The following ABCA13 variants were observed in gnomAD, a reference collection of about 807,000 sequenced individuals.
The protein encoded by ABCA13 is ATP-binding cassette sub-family A member 13.
Under a neutral mutation model 478.7 loss-of-function variants are expected in ABCA13, and 476 were observed. The ratio of observed to expected loss-of-function variants is 0.99; its 90% confidence interval spans 0.92 to 1.07. The LOEUF is 1.07. Ranked by LOEUF, ABCA13 falls within the 50% of genes least tolerant of loss-of-function variation. ABCA13 has a pLI of 0.00. For synonymous variants in ABCA13, 2,252 were observed against 2,158.9 expected (o/e 1.04, Z -1.20); for missense variants, 6,060 against 5,910.6 (o/e 1.03, Z -0.83).
intron 27 of ABCA13, among the ~76,000 whole-genome samples, chr7:48,330,907 G>A (rs564156178): frequency 2.0e-5 from 3 of 152,160 alleles, no homozygotes; most frequent in Non-Finnish European, 2.9e-5. Context: ...TGCTGTATCC[G>A]TGGGTTTTTC....
chr7:48,607,018 C>A (rs578008280), intron 58 of ABCA13, among the ~76,000 whole-genome samples: 1 of 152,286 alleles, frequency 6.6e-6, no homozygotes, highest in South Asian at 2.1e-4. Context: ...GGTGAAACCG[C>A]GTACTGAAGC....
intron 59 of ABCA13, among the ~76,000 whole-genome samples, chr7:48,627,553 G>C (rs1793779946): frequency 6.6e-6 from 1 of 152,094 alleles, no homozygotes; most frequent in Non-Finnish European, 1.5e-5. Flanking sequence ...CATCTCTGGA[G>C]GTAGTCTTTT....
chr7:48,310,050 C>A lies in ABCA13; in HGVS notation c.9425C>A (p.Ala3142Glu). 2 of 1,613,850 alleles carry A rather than the reference C, an allele frequency of 1.2e-6. No individual in the cohort carries two copies. The highest frequency in any genetic ancestry group is 1.7e-6 in the Non-Finnish European group (2 of 1,179,792). ...AAAGGGGAAAAATCTTGGATCGCAG[C>A]GGAGGAACTCTGTAGCCTGCCAGGG... ...FPKGEKSWIA[A>E]EELCSLPGSK... The change falls in exon 24 of 62, where the codon GCG becomes GAG. Residue 3142 changes from alanine to glutamate, a missense_variant. Ala to Glu is a moderately radical substitution (Grantham distance 107, BLOSUM62 -1). Transcript: ENST00000435803.
At chr7:48,506,245 T>C (rs928222891) in intron 48 of ABCA13, 91 bp from the exon 49 acceptor site, 20 of 1,384,752 alleles carry the variant, frequency 1.4e-5, no homozygotes, top group Non-Finnish European at 2.0e-6. Flanking sequence ...TACATTGTGA[T>C]GGCACAGGGA....
intron 32 of ABCA13, among the ~76,000 whole-genome samples, chr7:48,368,679 G>A (rs1440460029): frequency 2.0e-5 from 2 of 102,302 alleles, no homozygotes; most frequent in Admixed American, 1.0e-4. Context: ...GTGTGTGTGT[G>A]TGTATGTGTA....
rs71006559 is a variant in ABCA13, at chr7:48,232,139, ATTTTTTTTTTT to A, written c.764-1864_764-1854del. Among the ~76,000 whole-genome samples, 104 of 51,314 alleles carry A rather than the reference ATTTTTTTTTTT, an allele frequency of 2.0e-3. 5 individuals carry two copies. The highest frequency in any genetic ancestry group is 7.9e-3 in the Admixed American group (34 of 4,310). The allele number at this position is 51,314 out of a possible 152,430, so 33.7% of individuals were successfully genotyped here. On this transcript the variant is annotated intron_variant, in intron 7 of 61. Coordinates refer to ENST00000435803, the MANE Select transcript of ABCA13 (RefSeq NM_152701.5). Reference sequence around the variant, plus strand: ...CTCAGCACAGTGAGACCCACATGGAATTTTTTTTTTTTTTTTTTTTTTTTTAGCTTTCTGTA... The same window carrying A: ...CTCAGCACAGTGAGACCCACATGGAATTTTTTTTTTTTTTAGCTTTCTGTA...
chr7:48,514,127 A>G (rs1160993282), intron 51 of ABCA13, among the ~76,000 whole-genome samples: 1 of 152,204 alleles, frequency 6.6e-6, no homozygotes, highest in East Asian at 1.9e-4. Context: ...CAGATCAGGT[A>G]TGCAGACTCC....
At chr7:48,566,283 G>T (rs942841033) in intron 55 of ABCA13, among the ~76,000 whole-genome samples, 2 of 152,112 alleles carry the variant, frequency 1.3e-5, no homozygotes, top group African/African-American at 4.8e-5. Context: ...CATGCATCAT[G>T]ATAAAAGCCA....
chr7:48,391,884 A>G, intron 37 of ABCA13, 37 bp from the exon 38 acceptor site: 2 of 1,583,826 alleles, frequency 1.3e-6, no homozygotes, highest in South Asian at 1.1e-5. Flanking sequence ...AGTATCAGCA[A>G]CGCGTATTCT....
chr7:48,355,549 G>T (rs938522756), intron 31 of ABCA13, among the ~76,000 whole-genome samples: 22 of 151,962 alleles, frequency 1.4e-4, no homozygotes, highest in African/African-American at 5.3e-4. Flanking sequence ...TCACGCTGTT[G>T]GGTGGAAAAG....
chr7:48,249,470 A>C (rs1792199171), intron 15 of ABCA13, 119 bp downstream of exon 15: 1 of 1,328,120 alleles, frequency 7.5e-7, no homozygotes. Flanking sequence ...GTGGCTCTCC[A>C]AGCACAATTT....
At chr7:48,539,608 A>T (rs1186051986) in intron 55 of ABCA13, among the ~76,000 whole-genome samples, 1 of 152,188 alleles carries the variant, frequency 6.6e-6, no homozygotes, top group Non-Finnish European at 1.5e-5. Context: ...TTCTGACTTC[A>T]TTCTGATAGA....
intron 55 of ABCA13, among the ~76,000 whole-genome samples, chr7:48,551,708 T>G (rs375413265): frequency 6.6e-6 from 1 of 151,742 alleles, no homozygotes; most frequent in Admixed American, 6.6e-5. Context: ...AATTCCCAGT[T>G]TGGTAAAATT....
chr7:48,524,553 C>T (rs1832764083), intron 54 of ABCA13, 113 bp downstream of exon 54: 2 of 965,416 alleles, frequency 2.1e-6, no homozygotes, highest in Non-Finnish European at 2.9e-6. Context: ...AAATAGCCTT[C>T]AAATTTTAGA....
At chr7:48,398,683 G>T (rs942440790) in intron 38 of ABCA13, among the ~76,000 whole-genome samples, 1 of 152,154 alleles carries the variant, frequency 6.6e-6, no homozygotes, top group Non-Finnish European at 1.5e-5. Context: ...TCAGTGTGAT[G>T]TTGTTATGTA....
chr7:48,577,623 G>C (rs1206607288), intron 55 of ABCA13, among the ~76,000 whole-genome samples: 5 of 152,038 alleles, frequency 3.3e-5, no homozygotes, highest in Non-Finnish European at 5.9e-5. Flanking sequence ...CTAGACTTAG[G>C]TGATCTCACT....
At chr7:48,230,788 C>G (rs1395250092) in intron 7 of ABCA13, among the ~76,000 whole-genome samples, 1 of 152,166 alleles carries the variant, frequency 6.6e-6, no homozygotes, top group Non-Finnish European at 1.5e-5. Context: ...CTCATCCATT[C>G]ATCTGTCCAT....
chr7:48,550,756 C>T (rs528742589), intron 55 of ABCA13, among the ~76,000 whole-genome samples: 3 of 151,266 alleles, frequency 2.0e-5, no homozygotes, highest in African/African-American at 4.8e-5. Flanking sequence ...TCCATCCATC[C>T]GTCCATCCAT....
chr7:48,283,604 G>GT (rs1797339707), intron 19 of ABCA13, among the ~76,000 whole-genome samples: 1 of 152,170 alleles, frequency 6.6e-6, no homozygotes, highest in African/African-American at 2.4e-5. Flanking sequence ...CATGAGGGCT[G>GT]GCACTAGGTT....
Sources: gnomAD v4.1 joint callset for allele counts (sites outside exome capture counted in the v4.1 genomes callset) on GRCh38, gnomAD v4.1.1 for gene constraint, MANE v1.5 for transcripts, NCBI Gene and HGNC (gene_info 2026-07-23, HGNC 2026-07-21) for gene names.